Variants in CCNF observed in about 807,000 individuals in gnomAD.
The protein encoded by CCNF is cyclin-F.
In CCNF, 30 loss-of-function variants were observed where a neutral mutation model predicts 85.4. The ratio of observed to expected loss-of-function variants is 0.35; its 90% CI spans 0.26 to 0.48. CCNF has a LOEUF of 0.48. Ranked by LOEUF, CCNF falls within the 20% of genes least tolerant of loss-of-function variation. CCNF has a pLI of 0.99. For missense variants in CCNF, 919 were observed against 1,010.4 expected (o/e 0.91, Z 1.23); for synonymous variants, 439 against 425.1 (o/e 1.03, Z -0.40).
rs189803829 is a variant in CCNF at position 2,453,589 on chromosome 16, C to A, written c.1715+52C>A. 17 of 1,608,588 alleles carry A rather than the reference C, an allele frequency of 1.1e-5. No homozygotes were observed. Among genetic ancestry groups the A allele is most frequent in the Non-Finnish European group, 1.4e-5 (16 of 1,177,196 alleles). On this transcript the variant is annotated intron_variant, in intron 15 of 16. Coordinates refer to ENST00000397066, the MANE Select transcript of CCNF (RefSeq NM_001761.3). The surrounding 1 kb of genome is among the most constrained non-coding windows in gnomAD (Gnocchi z 5.6). ...CCATACAATGCTGGCATCCTCGTGC[C>A]GGCCCAGTTCCCTCAGCGCTTCCTC...
chr16:2,453,463 C>G lies in CCNF; in HGVS notation c.1641C>G (p.Pro547=), dbSNP rs750242321. 4 of 1,614,068 alleles carry G rather than the reference C, an allele frequency of 2.5e-6. No individual in the cohort carries two copies. The South Asian group carries it at 3.3e-5, about 13-fold the overall frequency. Residue 547 remains proline (P), a synonymous_variant, in exon 15 of 17, where the codon CCC becomes CCG. Coordinates refer to ENST00000397066, the MANE Select transcript of CCNF (RefSeq NM_001761.3). This position sits in a 1 kb window ranked among gnomAD's most constrained non-coding sequence, Gnocchi z 5.6. ...CATTAGGAGTGACACAAGACAGCCC[C>G]GACCCCCCGACTTTCCTCAGCACAG... The part of the protein sequence containing the change: ...CAALGVTQDS[P]DPPTFLSTGE...
At chr16:2,447,905 G>GT (rs1243282239) in intron 10 of CCNF, among the ~76,000 whole-genome samples, 2 of 152,216 alleles carry the variant, frequency 1.3e-5, no homozygotes, top group African/African-American at 2.4e-5. Flanking sequence ...GCTGGCAGGT[G>GT]TAGTCCCTGC....
At position 2,457,650 on chromosome 16, in the gene CCNF, G is replaced by A. The variant is rs755002224; in HGVS notation, c.*630G>A. On this transcript the variant is annotated 3_prime_UTR_variant, in exon 17 of 17. Coordinates refer to ENST00000397066, the MANE Select transcript of CCNF (RefSeq NM_001761.3). ...CGTTTTAGAGCTCTGTCCCAGAGGC[G>A]TTCGTATGTGACCCACAGATGGCGT... 5 of 152,276 alleles carry A rather than the reference G, an allele frequency of 3.3e-5. No homozygotes were observed. The highest frequency in any genetic ancestry group is 7.3e-5 in the Non-Finnish European group (5 of 68,090). 9.4% of individuals were successfully genotyped at this position (152,276 alleles called of 1,614,324 possible).
At position 2,451,978 on chromosome 16, in the gene CCNF, G is replaced by A. The variant is rs1325687657; in HGVS notation, c.1488-1232G>A. On this transcript the variant is annotated intron_variant, in intron 13 of 16. Coordinates refer to ENST00000397066, the MANE Select transcript of CCNF (RefSeq NM_001761.3). This position sits in a 1 kb window ranked among gnomAD's most constrained non-coding sequence, Gnocchi z 4.3. ...CTGTTGCCTGTTCTGGCCCTGGTGG[G>A]TCGTGGTGCATGAAGCCCTGTGTGC... 2.0e-5 allele frequency among the ~76,000 whole-genome samples: 3 copies of A among 152,220 alleles called. No individual in the cohort carries two copies. The highest frequency in any genetic ancestry group is 7.2e-5 in the African/African-American group (3 of 41,460).
intron 15 of CCNF, among the ~76,000 whole-genome samples, chr16:2,454,240 C>A (rs1420078727): frequency 6.6e-6 from 1 of 152,186 alleles, no homozygotes; most frequent in African/African-American, 2.4e-5. Flanking sequence ...GACCTCAACT[C>A]CTGGGGAGCC....
Position 2,440,204 on chromosome 16 carries a change from G to A in CCNF, c.777+378G>A, listed in dbSNP as rs530225564. Among the ~76,000 whole-genome samples, 10 of 152,300 alleles carry A rather than the reference G, an allele frequency of 6.6e-5. No homozygotes were observed. The South Asian group carries it at 2.1e-3, about 32-fold the overall frequency. ...CTACTTGAGAGCAGAGGGGCGTGGA[G>A]AGTCCCTTCCTGCTTCCTCTTCCTG... On this transcript the variant is annotated intron_variant, in intron 8 of 16. Transcript: ENST00000397066.
chr16:2,435,592 G>GAC lies in CCNF; in HGVS notation c.279-213_279-212insCA, dbSNP rs1274687550. ...AGAGCAAGACCCTGTCTCAGAGAGA[G>GAC]AGAGATATATATATATATATGCACA... On this transcript the variant is annotated intron_variant, in intron 3 of 16. Transcript: ENST00000397066. 2.1e-4 allele frequency among the ~76,000 whole-genome samples: 12 copies of GAC among 56,606 alleles called. No individual in the cohort carries two copies. The East Asian group carries it at 0.01, about 48-fold the overall frequency. The allele number at this position is 56,606 out of a possible 152,430, so 37.1% of individuals were successfully genotyped here. A position where few individuals can be genotyped will look rare whatever the true frequency, so the allele number is the denominator to read the frequency against.
At position 2,457,242 on chromosome 16, in the gene CCNF, T is replaced by G; in HGVS notation, c.*222T>G. 1 of 486,648 alleles carries G rather than the reference T, an allele frequency of 2.1e-6. No homozygotes were observed. Among genetic ancestry groups the G allele is most frequent in the Non-Finnish European group, 3.6e-6 (1 of 274,954 alleles). The allele number at this position is 486,648 out of a possible 1,614,324, so 30.1% of individuals were successfully genotyped here. A position where few individuals can be genotyped will look rare whatever the true frequency, so the allele number is the denominator to read the frequency against. ...CTCAGATCCCTCTCTTTGGAAAGTT[T>G]AGCCTGGAAGCAGTTGGCCACACTG... On this transcript the variant is annotated 3_prime_UTR_variant, in exon 17 of 17. Coordinates refer to ENST00000397066, the MANE Select transcript of CCNF (RefSeq NM_001761.3).
intron 10 of CCNF, among the ~76,000 whole-genome samples, chr16:2,447,182 C>A (rs2065366601): frequency 6.6e-6 from 1 of 152,124 alleles, no homozygotes; most frequent in Admixed American, 6.6e-5. Context: ...TTTCAGGGAG[C>A]TGAGTCCAAT....
At chr16:2,445,131 G>A (rs567433126) in intron 9 of CCNF, among the ~76,000 whole-genome samples, 1 of 152,274 alleles carries the variant, frequency 6.6e-6, no homozygotes, top group Non-Finnish European at 1.5e-5. Context: ...CTCCCTGCAC[G>A]CCCCGAGGGT....
chr16:2,455,640 G>C, intron 16 of CCNF, 76 bp downstream of exon 16: 2 of 1,491,716 alleles, frequency 1.3e-6, no homozygotes, highest in Admixed American at 4.4e-5. Flanking sequence ...CTGGGCACCC[G>C]GCCCTGTGCG....
Position 2,452,991 on chromosome 16 carries a change from G to A in CCNF, c.1488-219G>A. ...GTCCTGCCATGAACATTCTAGTACA[G>A]GTTTCTGTGTGGACATAGTTTTTCC... is the stretch of plus-strand genomic sequence containing the variant. On this transcript the variant is annotated intron_variant, in intron 13 of 16. Coordinates refer to ENST00000397066, the MANE Select transcript of CCNF (RefSeq NM_001761.3). The surrounding 1 kb of genome is among the most constrained non-coding windows in gnomAD (Gnocchi z 4.1). 1 of 592,480 alleles carries A rather than the reference G, an allele frequency of 1.7e-6. No homozygotes were observed. The highest frequency in any genetic ancestry group is 3.0e-6 in the Non-Finnish European group (1 of 331,866). 36.7% of individuals were successfully genotyped at this position (592,480 alleles called of 1,614,324 possible). A position where few individuals can be genotyped will look rare whatever the true frequency, so the allele number is the denominator to read the frequency against.
At chr16:2,445,724 G>GT in intron 10 of CCNF, 102 bp downstream of exon 10, 44 of 782,870 alleles carry the variant, frequency 5.6e-5, no homozygotes, top group Admixed American at 9.3e-5. Context: ...GTTTTGTTTT[G>GT]TGTTGTTTTT....
Position 2,452,898 on chromosome 16 carries a change from A to G in CCNF, c.1488-312A>G. The G allele has an allele frequency of 2.6e-6, 1 of 382,562 alleles. No individual in the cohort carries two copies. The highest frequency in any genetic ancestry group is 4.8e-6 in the Non-Finnish European group (1 of 207,212). The allele number at this position is 382,562 out of a possible 1,614,324, so 23.7% of individuals were successfully genotyped here. A position where few individuals can be genotyped will look rare whatever the true frequency, so the allele number is the denominator to read the frequency against. The stretch of plus-strand genomic sequence containing the variant: ...TTGTTCTTTTTCATGGCTGAATAAT[A>G]TTCCCCTGCATGGACCACATGTGTT... On this transcript the variant is annotated intron_variant, in intron 13 of 16. Coordinates refer to ENST00000397066, the MANE Select transcript of CCNF (RefSeq NM_001761.3). This position sits in a 1 kb window ranked among gnomAD's most constrained non-coding sequence, Gnocchi z 4.1.
rs1262997616 is a variant in CCNF at position 2,442,420 on chromosome 16, A to T, written c.778-1229A>T. The stretch of plus-strand genomic sequence containing the variant: ...TATTTATAATATATAATATTATATA[A>T]TATAATATTATTATATATAATATAT... On this transcript the variant is annotated intron_variant, in intron 8 of 16. Coordinates refer to ENST00000397066, the MANE Select transcript of CCNF (RefSeq NM_001761.3). Among the ~76,000 whole-genome samples, 31 of 42,338 alleles carry T rather than the reference A, an allele frequency of 7.3e-4. 3 individuals carry two copies. The highest frequency in any genetic ancestry group is 1.5e-3 in the South Asian group (2 of 1,366). 27.8% of individuals were successfully genotyped at this position (42,338 alleles called of 152,430 possible).
At position 2,457,159 on chromosome 16, in the gene CCNF, T is replaced by G. The variant is rs1392166605; in HGVS notation, c.*139T>G. 1.6e-6 allele frequency: 1 copy of G among 634,520 alleles called. No individual in the cohort carries two copies. The highest frequency in any genetic ancestry group is 2.7e-6 in the Non-Finnish European group (1 of 374,850). The allele number at this position is 634,520 out of a possible 1,614,324, so 39.3% of individuals were successfully genotyped here. On this transcript the variant is annotated 3_prime_UTR_variant, in exon 17 of 17. Transcript: ENST00000397066. ...AGAGGATGACTTGCGGCCACCAAGT[T>G]TCTGTCTCCGCGGGAGTCCCGTGCA...
chr16:2,444,046 A>C (rs1441447271), intron 9 of CCNF, among the ~76,000 whole-genome samples: 1 of 151,386 alleles, frequency 6.6e-6, no homozygotes, highest in African/African-American at 2.4e-5. Context: ...CAGCCTCCCG[A>C]GTAGCTGGGA....
intron 2 of CCNF, 43 bp from the exon 3 acceptor site, chr16:2,432,918 G>T (rs200448070): frequency 8.0e-7 from 1 of 1,250,932 alleles, no homozygotes; most frequent in African/African-American, 1.5e-5. Flanking sequence ...GGGCTTTTGG[G>T]TGGTGCCTCC....
At position 2,445,605 on chromosome 16, in the gene CCNF, C is replaced by T; in HGVS notation, c.1077C>T (p.Cys359=). Residue 359 remains cysteine (C), a synonymous_variant, in exon 10 of 17, where the codon TGC becomes TGT. Transcript: ENST00000397066. The part of the protein sequence containing the change: ...RYRLQLLGIA[C]MVICTRFISK... Reference sequence around the variant, plus strand: ...GGCTCCAGCTGCTGGGCATCGCCTGCATGGTCATCTGCACCCGGTGAGAAG... The same window carrying T: ...GGCTCCAGCTGCTGGGCATCGCCTGTATGGTCATCTGCACCCGGTGAGAAG... 1 of 1,612,566 alleles carries T rather than the reference C, an allele frequency of 6.2e-7. No homozygotes were observed. The highest frequency in any genetic ancestry group is 8.5e-7 in the Non-Finnish European group (1 of 1,179,990).
Sources: gnomAD v4.1 joint callset for allele counts (sites outside exome capture counted in the v4.1 genomes callset) on GRCh38, gnomAD v4.1.1 for gene constraint, Gnocchi (gnomAD v3.1) non-coding constraint, MANE v1.5 for transcripts, NCBI Gene and HGNC (gene_info 2026-07-23, HGNC 2026-07-21) for gene names.